Variants in AIMP1 observed in about 807,000 individuals in gnomAD.
AIMP1 encodes the protein aminoacyl tRNA synthetase complex interacting multifunctional protein 1, also known as aminoacyl tRNA synthase complex-interacting multifunctional protein 1.
A neutral mutation model predicts 33.1 loss-of-function variants in AIMP1; 24 were observed. That is an observed-to-expected ratio of 0.73 (90% confidence interval 0.53 to 1.02). AIMP1 has a LOEUF of 1.02. AIMP1 is among the 50% of genes least tolerant of loss of function. The pLI is 0.00. For synonymous variants in AIMP1, 120 were observed against 121.5 expected, an observed-to-expected ratio of 0.99 and a Z score of 0.08; for missense variants, 367 against 364.8, an observed-to-expected ratio of 1.01 and a Z score of -0.05.
At chr4:106,333,863 ACCT>A (rs1461051157) in intron 5 of AIMP1, among the ~76,000 whole-genome samples, 1 of 151,898 alleles carries the variant, frequency 6.6e-6, no homozygotes, top group Non-Finnish European at 1.5e-5. Flanking sequence ...AAGCTTTCAA[ACCT>A]CCTTCTCAAC....
At chr4:106,316,682 A>G (rs1561017426) in intron 1 of AIMP1, 88 bp downstream of exon 1, 1 of 1,342,102 alleles carries the variant, frequency 7.5e-7, no homozygotes, top group Non-Finnish European at 1.0e-6. Flanking sequence ...TCCAGGAGAG[A>G]GGACCTGGCC....
intron 1 of AIMP1, among the ~76,000 whole-genome samples, chr4:106,322,858 C>T (rs564308168): frequency 6.6e-6 from 1 of 152,126 alleles, no homozygotes; most frequent in African/African-American, 2.4e-5. Context: ...GTGGCAGGCA[C>T]CTGTAATCCC....
At position 106,324,043 on chromosome 4, in the gene AIMP1, AT is replaced by A. The variant is rs1191439480; in HGVS notation, c.-25-936del. Among the ~76,000 whole-genome samples the A allele has an allele frequency of 3.3e-5, 5 of 152,130 alleles. No individual in the cohort carries two copies. In the East Asian group the frequency reaches 7.7e-4, roughly 23 times the overall value. On this transcript the variant is annotated intron_variant, in intron 1 of 6. Coordinates refer to ENST00000672341, the MANE Select transcript of AIMP1 (RefSeq NM_001142416.2). ...CCAGTGTATTGTGGCTTTTCAGAAT[AT>A]TTTTTATATAGGATTGGTATTATAT... is the stretch of plus-strand genomic sequence containing the variant.
chr4:106,333,087 G>T (rs1769743180), intron 5 of AIMP1, among the ~76,000 whole-genome samples: 1 of 151,190 alleles, frequency 6.6e-6, no homozygotes, highest in South Asian at 2.1e-4. Context: ...GCCCCTTTAG[G>T]TGGAAGTTAG....
chr4:106,338,919 C>G (rs182459213), intron 6 of AIMP1, among the ~76,000 whole-genome samples: 11 of 152,310 alleles, frequency 7.2e-5, no homozygotes, highest in Admixed American at 2.0e-4. Flanking sequence ...TCAGCATGAC[C>G]TGCGTGTGAG....
chr4:106,318,640 T>C (rs1423696873), intron 1 of AIMP1, among the ~76,000 whole-genome samples: 2 of 152,206 alleles, frequency 1.3e-5, no homozygotes, highest in Admixed American at 6.5e-5. Flanking sequence ...TGTAGATGAA[T>C]TGGCAGTTGT....
intron 5 of AIMP1, among the ~76,000 whole-genome samples, chr4:106,336,264 A>AAAC (rs1554001559): frequency 2.7e-5 from 4 of 150,602 alleles, no homozygotes; most frequent in African/African-American, 4.9e-5. Flanking sequence ...AAAAAAAAAA[A>AAAC]ACACTGGGCT....
At chr4:106,343,966 T>C (rs1019636370) in intron 6 of AIMP1, among the ~76,000 whole-genome samples, 3 of 152,210 alleles carry the variant, frequency 2.0e-5, no homozygotes, top group Admixed American at 6.5e-5. Context: ...ATTCCTCCTC[T>C]TGAAAACCCA....
chr4:106,330,940 G>A (rs1324858688), intron 4 of AIMP1, among the ~76,000 whole-genome samples: 2 of 152,024 alleles, frequency 1.3e-5, no homozygotes, highest in African/African-American at 4.8e-5. Flanking sequence ...GTGTTAATAA[G>A]AGTTACATTT....
chr4:106,344,439 T>C (rs1050443519), intron 6 of AIMP1, among the ~76,000 whole-genome samples: 5 of 152,188 alleles, frequency 3.3e-5, no homozygotes, highest in Admixed American at 2.0e-4. Flanking sequence ...GTACATCTTC[T>C]CCTCAGAAAA....
chr4:106,339,266 CA>C (rs1309067056), intron 6 of AIMP1, among the ~76,000 whole-genome samples: 1 of 152,046 alleles, frequency 6.6e-6, no homozygotes, highest in East Asian at 1.9e-4. Flanking sequence ...TGGGAGGGGC[CA>C]GGGGCAGAAT....
At chr4:106,327,389 A>G in intron 2 of AIMP1, 62 bp from the exon 3 acceptor site, 1 of 1,239,906 alleles carries the variant, frequency 8.1e-7, no homozygotes, top group Non-Finnish European at 1.2e-6. Flanking sequence ...TCTTCTTTTC[A>G]AATAGTATTC....
chr4:106,317,627 G>A (rs1463612198), intron 1 of AIMP1, among the ~76,000 whole-genome samples: 1 of 152,210 alleles, frequency 6.6e-6, no homozygotes, highest in Non-Finnish European at 1.5e-5. Flanking sequence ...ATATGTAAGA[G>A]TATTATAGAT....
chr4:106,319,471 A>G (rs1769113204), intron 1 of AIMP1, among the ~76,000 whole-genome samples: 1 of 152,178 alleles, frequency 6.6e-6, no homozygotes, highest in Non-Finnish European at 1.5e-5. Context: ...TTGATGAAGT[A>G]TGATAATTAA....
At position 106,349,095 on chromosome 4, in the gene AIMP1, A is replaced by G. The variant is rs898519747; in HGVS notation, c.*1403A>G. 1.3e-5 allele frequency: 2 copies of G among 152,084 alleles called. No homozygotes were observed. The highest frequency in any genetic ancestry group is 4.8e-5 in the African/African-American group (2 of 41,434). 9.4% of individuals were successfully genotyped at this position (152,084 alleles called of 1,614,324 possible). On this transcript the variant is annotated 3_prime_UTR_variant, in exon 7 of 7. Transcript: ENST00000672341. ...AGGATATATTATAGTACCATTATCAATGTGATATTCTGAAAATATGAACTG... is the reference window on the plus strand; with the variant it reads ...AGGATATATTATAGTACCATTATCAGTGTGATATTCTGAAAATATGAACTG...
At chr4:106,316,363 G>C (rs1349398028), upstream of AIMP1, 4 of 611,878 alleles carry the variant, frequency 6.5e-6, no homozygotes, top group Admixed American at 2.5e-5. Context: ...GGACGGGGGG[G>C]GTCGATTGAA....
chr4:106,325,255 T>C, intron 2 of AIMP1, 137 bp downstream of exon 2: 1 of 811,128 alleles, frequency 1.2e-6, no homozygotes, highest in South Asian at 2.0e-5. Flanking sequence ...ATATCAAACC[T>C]GAATTTCTAC....
chr4:106,335,511 C>A (rs1032015753), intron 5 of AIMP1, among the ~76,000 whole-genome samples: 2 of 151,922 alleles, frequency 1.3e-5, no homozygotes, highest in Non-Finnish European at 2.9e-5. Context: ...ATTATATACT[C>A]TGTTTTGTAG....
chr4:106,340,188 G>A (rs1770042001), intron 6 of AIMP1, among the ~76,000 whole-genome samples: 1 of 151,962 alleles, frequency 6.6e-6, no homozygotes, highest in Non-Finnish European at 1.5e-5. Flanking sequence ...AGAACAATTT[G>A]GAGACATATT....
Sources: gnomAD v4.1 joint callset for allele counts (sites outside exome capture counted in the v4.1 genomes callset) on GRCh38, gnomAD v4.1.1 for gene constraint, MANE v1.5 for transcripts, NCBI Gene and HGNC (gene_info 2026-07-23, HGNC 2026-07-21) for gene names.